Variants in FHOD3 observed in about 807,000 individuals in gnomAD.
FHOD3 encodes the protein formin homology 2 domain containing 3.
A neutral mutation model predicts 173.0 loss-of-function variants in FHOD3; 90 were observed. The ratio of observed to expected loss-of-function variants is 0.52; its 90% CI spans 0.44 to 0.62. The LOEUF (loss-of-function observed/expected upper bound fraction) is 0.62. Among genes scored for constraint, FHOD3 ranks in the 20% least tolerant of loss-of-function variants. FHOD3 has a pLI of 0.00. For synonymous variants in FHOD3, 828 were observed against 823.0 expected, an observed-to-expected ratio of 1.01 and a Z score of -0.10; for missense variants, 1,945 against 2,034.7, an observed-to-expected ratio of 0.96 and a Z score of 0.85.
intron 9 of FHOD3, among the ~76,000 whole-genome samples, chr18:36,617,174 G>A (rs750548990): frequency 3.9e-5 from 6 of 152,184 alleles, no homozygotes; most frequent in Non-Finnish European, 8.8e-5. Context: ...TAATTTATTT[G>A]TTAGATAGTC....
intron 20 of FHOD3, among the ~76,000 whole-genome samples, chr18:36,740,432 C>T (rs532343537): frequency 1.3e-5 from 2 of 152,228 alleles, no homozygotes; most frequent in East Asian, 1.9e-4. Context: ...TTTCATCTTT[C>T]TCTCACCTCT....
intron 3 of FHOD3, among the ~76,000 whole-genome samples, chr18:36,407,963 G>GT (rs1184257503): frequency 2.0e-5 from 3 of 152,250 alleles, no homozygotes; most frequent in African/African-American, 7.2e-5. Flanking sequence ...GATATAGGGA[G>GT]TACAGATGTA....
chr18:36,451,150 T>C (rs894898463), intron 3 of FHOD3, among the ~76,000 whole-genome samples: 5 of 152,224 alleles, frequency 3.3e-5, no homozygotes, highest in African/African-American at 4.8e-5. Flanking sequence ...AAATAGATAA[T>C]GGCAAAATCA....
chr18:36,507,748 A>G (rs1216829865), intron 4 of FHOD3, among the ~76,000 whole-genome samples: 1 of 152,218 alleles, frequency 6.6e-6, no homozygotes, highest in Non-Finnish European at 1.5e-5. Context: ...TCTTCCTGAT[A>G]CTAAGCTGAA....
intron 9 of FHOD3, among the ~76,000 whole-genome samples, chr18:36,624,627 GA>G (rs1369682578): frequency 6.6e-6 from 1 of 151,994 alleles, no homozygotes; most frequent in Non-Finnish European, 1.5e-5. Context: ...TTAAGAGATG[GA>G]AAAGCTGGTC....
At chr18:36,731,744 C>G (rs747747342) in intron 20 of FHOD3, among the ~76,000 whole-genome samples, 1 of 152,194 alleles carries the variant, frequency 6.6e-6, no homozygotes, top group South Asian at 2.1e-4. Context: ...GAGGAAGGGC[C>G]TGGGCCTCTG....
chr18:36,438,014 C>T (rs921340896), intron 3 of FHOD3, among the ~76,000 whole-genome samples: 1 of 152,026 alleles, frequency 6.6e-6, no homozygotes, highest in African/African-American at 2.4e-5. Context: ...CCCTGCACTG[C>T]CCTCCCACAC....
intron 14 of FHOD3, among the ~76,000 whole-genome samples, chr18:36,663,053 A>G (rs148672052): frequency 1.5e-4 from 23 of 152,232 alleles, no homozygotes; most frequent in African/African-American, 5.3e-4. Context: ...TGTGTTTACC[A>G]TGTAGAAACA....
Position 36,730,812 on chromosome 18 carries a change from A to G in FHOD3, c.3576+8A>G. On this transcript the variant is annotated splice_region_variant and intron_variant, in intron 20 of 28. Transcript: ENST00000590592. ...AACAAAGAAGGAATCGAGGTGAGGG[A>G]AGCTCTATTAAGCATTATTTGTATT... The G allele has an allele frequency of 6.2e-7, 1 of 1,612,290 alleles. No homozygotes were observed. The highest frequency in any genetic ancestry group is 8.5e-7 in the Non-Finnish European group (1 of 1,179,302).
chr18:36,747,935 A>T (rs963551083), intron 24 of FHOD3, among the ~76,000 whole-genome samples: 2 of 150,736 alleles, frequency 1.3e-5, no homozygotes, highest in Non-Finnish European at 3.0e-5. Flanking sequence ...TTCTTTCCTC[A>T]TCTCCTTCTT....
chr18:36,576,615 C>A, intron 6 of FHOD3, 70 bp downstream of exon 6: 2 of 1,214,928 alleles, frequency 1.6e-6, no homozygotes, highest in Non-Finnish European at 2.3e-6. Flanking sequence ...TTCTCTGAGT[C>A]AGTTTTGCAG....
chr18:36,758,944 C>T (rs1303498395), intron 25 of FHOD3, among the ~76,000 whole-genome samples, 174 bp from the exon 26 acceptor site: 3 of 152,286 alleles, frequency 2.0e-5, no homozygotes, highest in Middle Eastern at 6.8e-3. Flanking sequence ...CAGATGAGGA[C>T]AAGAGGGTGG....
At chr18:36,343,395 GA>G (rs2045724620) in intron 1 of FHOD3, among the ~76,000 whole-genome samples, 2 of 152,154 alleles carry the variant, frequency 1.3e-5, no homozygotes, top group African/African-American at 4.8e-5. Context: ...CTTAGTGAAA[GA>G]AACCAGTCAC....
intron 14 of FHOD3, among the ~76,000 whole-genome samples, chr18:36,676,752 A>G (rs1489330125): frequency 6.6e-6 from 1 of 152,166 alleles, no homozygotes; most frequent in Non-Finnish European, 1.5e-5. Flanking sequence ...TTTTGCTTGC[A>G]TTCCTTTTCC....
chr18:36,676,010 ATTTAT>A (rs2037834245), intron 14 of FHOD3, among the ~76,000 whole-genome samples: 1 of 152,212 alleles, frequency 6.6e-6, no homozygotes, highest in Non-Finnish European at 1.5e-5. Context: ...AAGGACTTTT[ATTTAT>A]TTAAGAGAAA....
chr18:36,653,752 G>A (rs1033018420), intron 13 of FHOD3, among the ~76,000 whole-genome samples: 4 of 152,146 alleles, frequency 2.6e-5, no homozygotes, highest in African/African-American at 9.7e-5. Flanking sequence ...TGAACAATCA[G>A]TCGTCCAAAA....
At chr18:36,590,917 G>A (rs961075752) in intron 6 of FHOD3, among the ~76,000 whole-genome samples, 1 of 152,178 alleles carries the variant, frequency 6.6e-6, no homozygotes, top group African/African-American at 2.4e-5. Flanking sequence ...CTCAGAGGGA[G>A]CCTCTGTGAG....
chr18:36,307,564 G>C (rs373558095), intron 1 of FHOD3, among the ~76,000 whole-genome samples: 19 of 152,346 alleles, frequency 1.2e-4, no homozygotes, highest in African/African-American at 4.6e-4. Flanking sequence ...GTGTAATGTG[G>C]ACTGTTTTTA....
intron 1 of FHOD3, among the ~76,000 whole-genome samples, chr18:36,310,264 A>G (rs939593807): frequency 2.0e-5 from 3 of 152,248 alleles, no homozygotes; most frequent in African/African-American, 7.2e-5. Context: ...AGGAATGTGA[A>G]AATGATATCC....
Sources: allele counts gnomAD v4.1 joint callset (sites outside exome capture counted in the v4.1 genomes callset), GRCh38; gene constraint gnomAD v4.1.1; transcripts MANE v1.5; gene names NCBI Gene and HGNC (gene_info 2026-07-23, HGNC 2026-07-21).